ALK: variants seen among roughly 807,000 people sequenced by gnomAD.
The protein encoded by ALK is ALK tyrosine kinase receptor.
ALK carries 74 observed loss-of-function variants against 163.1 expected under a neutral mutation model. The ratio of observed to expected loss-of-function variants is 0.45; its 90% confidence interval spans 0.38 to 0.55. ALK has a LOEUF of 0.55. Among genes scored for constraint, ALK ranks in the 20% least tolerant of loss-of-function variants. ALK has a pLI of 0.00. For synonymous variants in ALK, 960 were observed against 843.2 expected (o/e 1.14, Z -2.40); for missense variants, 2,063 against 2,105.3 (o/e 0.98, Z 0.39).
At chr2:29,636,636 G>T (rs1025470406) in intron 3 of ALK, among the ~76,000 whole-genome samples, 3 of 152,258 alleles carry the variant, frequency 2.0e-5, no homozygotes, top group Non-Finnish European at 4.4e-5. Context: ...TCTGCAAAAA[G>T]ATCCTGTTTA....
intron 4 of ALK, among the ~76,000 whole-genome samples, chr2:29,485,523 A>T (rs1048860471): frequency 1.3e-5 from 2 of 152,224 alleles, no homozygotes; most frequent in African/African-American, 2.4e-5. Context: ...AAATGTATTC[A>T]TTTGAAAGTT....
chr2:29,791,312 G>A (rs1445882592), intron 1 of ALK, among the ~76,000 whole-genome samples: 1 of 152,170 alleles, frequency 6.6e-6, no homozygotes, highest in Admixed American at 6.5e-5. Flanking sequence ...AAAAAAGGAT[G>A]AGTTCATGTC....
intron 3 of ALK, among the ~76,000 whole-genome samples, chr2:29,568,381 A>G (rs60601742): frequency 1.3e-5 from 2 of 152,194 alleles, no homozygotes; most frequent in African/African-American, 4.8e-5. Flanking sequence ...CCATTGCCAC[A>G]TTCTGTAGTG....
chr2:29,694,810 C>T (rs1428989122), intron 3 of ALK, 40 bp downstream of exon 3: 14 of 1,611,950 alleles, frequency 8.7e-6, no homozygotes, highest in East Asian at 2.2e-5. Context: ...CCAGCCTGGC[C>T]CTGACCCACC....
intron 8 of ALK, among the ~76,000 whole-genome samples, chr2:29,300,377 C>T (rs533003612): frequency 2.0e-4 from 30 of 151,868 alleles, no homozygotes; most frequent in African/African-American, 6.8e-4. Context: ...GGTGAAACCC[C>T]GACTCTACTA....
In ALK at chr2:29,663,848, C is replaced by T. The variant is rs184261298; in HGVS notation, c.952+31002G>A. Among the ~76,000 whole-genome samples the T allele has an allele frequency of 3.9e-5, 6 of 152,236 alleles. No homozygotes were observed. The South Asian group carries it at 6.2e-4, about 16-fold the overall frequency. ...GTTTAAGGTCAGTATATGTATAATG[C>T]TTCTCTCTAGTGTTTGTCTATATGT... On this transcript the variant is annotated intron_variant, in intron 3 of 28. Transcript: ENST00000389048.
intron 3 of ALK, among the ~76,000 whole-genome samples, chr2:29,575,017 A>T (rs754165844): frequency 2.4e-4 from 36 of 152,186 alleles, no homozygotes; most frequent in Non-Finnish European, 4.9e-4. Context: ...CTGCAAACAC[A>T]GCCCCGTTTC....
At chr2:29,395,611 C>A (rs374234636) in intron 4 of ALK, among the ~76,000 whole-genome samples, 1 of 152,210 alleles carries the variant, frequency 6.6e-6, no homozygotes, top group East Asian at 1.9e-4. Flanking sequence ...CTTTCTCCCC[C>A]AAGGCAAGCC....
intron 3 of ALK, among the ~76,000 whole-genome samples, chr2:29,559,830 C>T (rs77849336): frequency 4.6e-4 from 66 of 143,438 alleles, no homozygotes; most frequent in African/African-American, 1.6e-3. Context: ...CCTGACTTGG[C>T]TTGGGATTCT....
intron 3 of ALK, among the ~76,000 whole-genome samples, chr2:29,573,708 T>C (rs1674443696): frequency 6.6e-6 from 1 of 152,116 alleles, no homozygotes; most frequent in African/African-American, 2.4e-5. Context: ...ATATTTACTA[T>C]CAGGCCTTTT....
intron 3 of ALK, among the ~76,000 whole-genome samples, chr2:29,605,182 G>A (rs1675508829): frequency 6.6e-6 from 1 of 152,210 alleles, no homozygotes; most frequent in South Asian, 2.1e-4. Flanking sequence ...GTTCTCATAA[G>A]GAGTGTGCAA....
chr2:29,920,693 G>C lies in ALK; in HGVS notation c.-34C>G, dbSNP rs1320664227. 6.6e-7 allele frequency: 1 copy of C among 1,517,706 alleles called. No homozygotes were observed. The highest frequency in any genetic ancestry group is 8.8e-7 in the Non-Finnish European group (1 of 1,132,788). The allele number at this position is 1,517,706 out of a possible 1,614,324, so 94.0% of individuals were successfully genotyped here. On this transcript the variant is annotated 5_prime_UTR_variant, in exon 1 of 29. Coordinates refer to ENST00000389048, the MANE Select transcript of ALK (RefSeq NM_004304.5). ...AGGAGGCCGTTTACACTGCTCTCCG[G>C]GCCCAGCCTCACCCTTCGCTCTCCC...
At chr2:29,869,956 C>T (rs1666535632) in intron 1 of ALK, among the ~76,000 whole-genome samples, 2 of 152,156 alleles carry the variant, frequency 1.3e-5, no homozygotes, top group South Asian at 4.1e-4. Flanking sequence ...TGATGGTTAT[C>T]AAGAATTTCA....
chr2:29,651,798 T>C (rs895555616), intron 3 of ALK, among the ~76,000 whole-genome samples: 1 of 152,170 alleles, frequency 6.6e-6, no homozygotes, highest in African/African-American at 2.4e-5. Flanking sequence ...TGAGTTTTCA[T>C]AGAAACAATA....
chr2:29,463,354 T>C (rs1302098458), intron 4 of ALK, among the ~76,000 whole-genome samples: 2 of 152,192 alleles, frequency 1.3e-5, no homozygotes, highest in Non-Finnish European at 2.9e-5. Context: ...ACAGTAGATA[T>C]GGTATGTTTC....
At chr2:29,563,457 CT>C (rs1674083313) in intron 3 of ALK, among the ~76,000 whole-genome samples, 1 of 152,192 alleles carries the variant, frequency 6.6e-6, no homozygotes. Flanking sequence ...AGCACATGCC[CT>C]TCCACAGTGA....
chr2:29,385,368 C>T (rs1349451914), intron 4 of ALK, among the ~76,000 whole-genome samples: 2 of 147,690 alleles, frequency 1.4e-5, no homozygotes, highest in Non-Finnish European at 3.0e-5. Context: ...CCTAAGGAAA[C>T]AACCTGTCAG....
intron 4 of ALK, among the ~76,000 whole-genome samples, chr2:29,525,508 C>T (rs370394096): frequency 3.9e-5 from 6 of 151,992 alleles, no homozygotes; most frequent in East Asian, 1.9e-4. Flanking sequence ...AGATGAGACT[C>T]GGGCCGGGTG....
At chr2:29,814,426 C>A (rs558617137) in intron 1 of ALK, among the ~76,000 whole-genome samples, 1 of 151,652 alleles carries the variant, frequency 6.6e-6, no homozygotes, top group East Asian at 2.0e-4. Context: ...TTTGGGAGGC[C>A]GAGGCGGGCG....
Sources: allele counts gnomAD v4.1 joint callset (sites outside exome capture counted in the v4.1 genomes callset), GRCh38; gene constraint gnomAD v4.1.1; transcripts MANE v1.5; gene names NCBI Gene and HGNC (gene_info 2026-07-23, HGNC 2026-07-21).